PAK3: variants seen among roughly 807,000 people sequenced by gnomAD.
PAK3 encodes the protein serine/threonine-protein kinase PAK 3.
PAK3 carries 4 observed loss-of-function variants against 41.0 expected under a neutral mutation model. The ratio of observed to expected loss-of-function variants is 0.10; its 90% CI spans 0.05 to 0.22. The LOEUF (loss-of-function observed/expected upper bound fraction) is 0.22, where lower values mean the gene tolerates loss of function less well. PAK3 is among the 10% of genes least tolerant of loss of function. The probability of loss-of-function intolerance (pLI) is 1.00; values close to 1 mark genes in which losing one functional copy is unlikely to be tolerated. For synonymous variants in PAK3, 146 were observed against 139.6 expected (o/e 1.05, Z -0.32); for missense variants, 205 against 409.9 (o/e 0.50, Z 4.32).
chrX:111,122,053 G>C lies in PAK3; in HGVS notation c.-27-1024G>C, dbSNP rs749356937. ...GTGGATCATGAGGTCAGGAGATCAA[G>C]ACCATTCTGGCTAACACAGTGAAAC... On this transcript the variant is annotated intron_variant, in intron 4 of 17. Transcript: ENST00000372007. Among the ~76,000 whole-genome samples, 19 of 109,057 alleles carry C rather than the reference G, an allele frequency of 1.7e-4. No individual in the cohort carries two copies. In the Admixed American group the frequency reaches 1.9e-3, roughly 11 times the overall value. The allele number at this position is 109,057 out of a possible 115,157, so 94.7% of individuals were successfully genotyped here.
chrX:111,067,298 T>C (rs1192913938), intron 1 of PAK3, among the ~76,000 whole-genome samples: 1 of 112,108 alleles, frequency 8.9e-6, no homozygotes, highest in African/African-American at 3.2e-5. Flanking sequence ...TATTGAGTAC[T>C]TTATATTGCC....
chrX:110,979,969 T>C (rs1469714086), intron 1 of PAK3, among the ~76,000 whole-genome samples: 1 of 111,955 alleles, frequency 8.9e-6, no homozygotes, highest in East Asian at 2.8e-4. Context: ...TTCAGTTTCT[T>C]TGGGTTGTAG....
chrX:111,044,319 T>C (rs1218378248), intron 1 of PAK3, among the ~76,000 whole-genome samples: 3 of 112,297 alleles, frequency 2.7e-5, no homozygotes, highest in Non-Finnish European at 5.6e-5. Flanking sequence ...TGCCAAATGC[T>C]GGGAGGATGG....
At chrX:111,071,737 T>C (rs1023972596) in intron 1 of PAK3, among the ~76,000 whole-genome samples, 25 of 112,049 alleles carry the variant, frequency 2.2e-4, no homozygotes, top group African/African-American at 8.1e-4. Flanking sequence ...CTTGAACAAA[T>C]AGTACTGTTC....
chrX:111,062,841 C>CT (rs11330952), intron 1 of PAK3, among the ~76,000 whole-genome samples: 171 of 97,470 alleles, frequency 1.8e-3, no homozygotes, highest in African/African-American at 5.6e-3. Flanking sequence ...AAGGAAATTA[C>CT]TTTTTTTTTT....
intron 1 of PAK3, among the ~76,000 whole-genome samples, chrX:111,001,046 C>A (rs1348432269): frequency 9.0e-6 from 1 of 111,695 alleles, no homozygotes; most frequent in Non-Finnish European, 1.9e-5. Flanking sequence ...AGGTAGAGCA[C>A]ACCAGTACGA....
intron 1 of PAK3, among the ~76,000 whole-genome samples, chrX:111,005,514 G>C (rs752146894): frequency 9.0e-6 from 1 of 111,646 alleles, no homozygotes; most frequent in African/African-American, 3.3e-5. Context: ...TTTCCTTCTA[G>C]TCCAGTGCAG....
At chrX:111,066,724 C>T (rs762507729) in intron 1 of PAK3, among the ~76,000 whole-genome samples, 35 of 111,790 alleles carry the variant, frequency 3.1e-4, no homozygotes, top group South Asian at 7.5e-4. Flanking sequence ...AATTTTAAAA[C>T]AAAACAATAA....
At chrX:111,102,317 A>G (rs1481520888) in intron 3 of PAK3, among the ~76,000 whole-genome samples, 3 of 111,850 alleles carry the variant, frequency 2.7e-5, no homozygotes, top group Non-Finnish European at 5.6e-5. Context: ...TCACCAAGCA[A>G]CAACAGTAAA....
intron 1 of PAK3, among the ~76,000 whole-genome samples, chrX:110,974,506 T>C (rs968448972): frequency 5.4e-5 from 6 of 111,411 alleles, no homozygotes; most frequent in Admixed American, 3.8e-4. Context: ...ACCAGATGGA[T>C]TTACAGCCAA....
intron 1 of PAK3, among the ~76,000 whole-genome samples, chrX:111,070,064 C>T: frequency 9.0e-6 from 1 of 111,198 alleles, no homozygotes; most frequent in East Asian, 2.8e-4. Context: ...CCCATTCAAG[C>T]CACTAAAAAA....
intron 1 of PAK3, among the ~76,000 whole-genome samples, chrX:111,032,766 A>G (rs1055970652): frequency 6.3e-5 from 7 of 110,479 alleles, no homozygotes; most frequent in African/African-American, 2.0e-4. Context: ...CTCGATTGTC[A>G]AGGAAATGAG....
chrX:111,165,826 T>C (rs927361620), intron 10 of PAK3, among the ~76,000 whole-genome samples: 1 of 111,914 alleles, frequency 8.9e-6, no homozygotes, highest in Non-Finnish European at 1.9e-5. Context: ...AGCATTATTT[T>C]CTTGGACCAA....
intron 10 of PAK3, among the ~76,000 whole-genome samples, chrX:111,167,774 G>C (rs1215902719): frequency 9.0e-6 from 1 of 110,608 alleles, no homozygotes; most frequent in Non-Finnish European, 1.9e-5. Flanking sequence ...ACCTAATGTA[G>C]ATGACGGGTT....
intron 5 of PAK3, among the ~76,000 whole-genome samples, chrX:111,132,151 G>A (rs890424910): frequency 9.0e-5 from 10 of 110,711 alleles, no homozygotes; most frequent in South Asian, 4.0e-4. Flanking sequence ...ATGGACCACC[G>A]AAAGCATCTA....
chrX:111,054,528 G>A (rs1254884054), intron 1 of PAK3, among the ~76,000 whole-genome samples: 1 of 111,712 alleles, frequency 9.0e-6, no homozygotes, highest in East Asian at 2.8e-4. Flanking sequence ...AGAGAGGAAG[G>A]TAGACACAAA....
intron 1 of PAK3, among the ~76,000 whole-genome samples, chrX:111,017,220 T>G (rs2148717652): frequency 9.1e-6 from 1 of 109,450 alleles, no homozygotes; most frequent in Non-Finnish European, 1.9e-5. Flanking sequence ...CCAATAAAGA[T>G]TGGAACAGAG....
At position 111,138,453 on chromosome X, in the gene PAK3, A is replaced by G. The variant is rs145300672; in HGVS notation, c.176-3643A>G. 8.1e-5 allele frequency among the ~76,000 whole-genome samples: 9 copies of G among 111,321 alleles called. No homozygotes were observed. In the East Asian group the frequency reaches 2.5e-3, roughly 32 times the overall value. ...ATGCTGATGGTACCAAGCTCAAAGT[A>G]GACACTGAGTAGTTCTATGGGAGCA... is the stretch of plus-strand genomic sequence containing the variant. On this transcript the variant is annotated intron_variant, in intron 5 of 17. Coordinates refer to ENST00000372007, the MANE Select transcript of PAK3 (RefSeq NM_002578.5).
At chrX:110,993,811 C>T (rs1242152774) in intron 1 of PAK3, among the ~76,000 whole-genome samples, 3 of 111,538 alleles carry the variant, frequency 2.7e-5, no homozygotes, top group African/African-American at 9.8e-5. Flanking sequence ...CAACAGCATA[C>T]ATAAGTATAC....
Sources: allele counts gnomAD v4.1 joint callset (sites outside exome capture counted in the v4.1 genomes callset), GRCh38; gene constraint gnomAD v4.1.1; transcripts MANE v1.5; gene names NCBI Gene and HGNC (gene_info 2026-07-23, HGNC 2026-07-21).